The following AKAP6 variants were observed in gnomAD, a reference collection of about 807,000 sequenced individuals.
AKAP6 encodes the protein A-kinase anchor protein 6.
A neutral mutation model predicts 188.5 loss-of-function variants in AKAP6; 58 were observed. The ratio of observed to expected loss-of-function variants is 0.31; its 90% CI spans 0.25 to 0.38. AKAP6 has a LOEUF of 0.38. AKAP6 is among the 10% of genes least tolerant of loss of function. The pLI is 1.00. For synonymous variants in AKAP6, 989 were observed against 998.6 expected (o/e 0.99, Z 0.18); for missense variants, 2,710 against 2,740.0 (o/e 0.99, Z 0.24).
intron 7 of AKAP6, among the ~76,000 whole-genome samples, chr14:32,660,921 G>GCC (rs1249970425): frequency 1.3e-3 from 57 of 42,392 alleles, no homozygotes; most frequent in African/African-American, 2.1e-3. Context: ...TTTCTTCCCC[G>GCC]CCACCCCCCC....
At chr14:32,793,781 G>T (rs2033680870) in intron 12 of AKAP6, among the ~76,000 whole-genome samples, 1 of 150,628 alleles carries the variant, frequency 6.6e-6, no homozygotes, top group Non-Finnish European at 1.5e-5. Flanking sequence ...AATGGTAAAG[G>T]CTTCAATTCA....
At chr14:32,376,839 G>A (rs1888172140) in intron 1 of AKAP6, among the ~76,000 whole-genome samples, 1 of 152,124 alleles carries the variant, frequency 6.6e-6, no homozygotes, top group South Asian at 2.1e-4. Flanking sequence ...TGGGATTACA[G>A]GTGCCCACCA....
chr14:32,653,715 A>G (rs1173096677), intron 7 of AKAP6, among the ~76,000 whole-genome samples: 1 of 152,228 alleles, frequency 6.6e-6, no homozygotes, highest in East Asian at 1.9e-4. Flanking sequence ...AATAATAATT[A>G]TCTTGAAGAA....
intron 7 of AKAP6, among the ~76,000 whole-genome samples, chr14:32,662,907 A>G (rs1301797742): frequency 6.6e-6 from 1 of 152,006 alleles, no homozygotes; most frequent in African/African-American, 2.4e-5. Flanking sequence ...TTTCCTGTAG[A>G]CTTTCTCTTA....
intron 1 of AKAP6, among the ~76,000 whole-genome samples, chr14:32,403,583 G>C (rs1474892159): frequency 1.3e-5 from 2 of 152,202 alleles, no homozygotes; most frequent in African/African-American, 2.4e-5. Flanking sequence ...TACTAGCTGT[G>C]TGACCTTGGG....
At chr14:32,714,056 C>T (rs1219599458) in intron 9 of AKAP6, among the ~76,000 whole-genome samples, 2 of 151,838 alleles carry the variant, frequency 1.3e-5, no homozygotes, top group African/African-American at 4.8e-5. Context: ...ATTACTTGGC[C>T]GCATTTCAAT....
At chr14:32,464,953 A>T (rs1878317174) in intron 2 of AKAP6, among the ~76,000 whole-genome samples, 1 of 152,166 alleles carries the variant, frequency 6.6e-6, no homozygotes, top group Non-Finnish European at 1.5e-5. Flanking sequence ...TCAACAATAG[A>T]CAAACAGTCA....
At chr14:32,592,996 C>T (rs1056922639) in intron 5 of AKAP6, among the ~76,000 whole-genome samples, 1 of 138,566 alleles carries the variant, frequency 7.2e-6, no homozygotes, top group African/African-American at 2.7e-5. Context: ...ACACAGTGTC[C>T]CCTACCCCCA....
chr14:32,587,952 G>A (rs1302223403), intron 5 of AKAP6, among the ~76,000 whole-genome samples: 1 of 152,152 alleles, frequency 6.6e-6, no homozygotes, highest in African/African-American at 2.4e-5. Flanking sequence ...TGAGTATCAG[G>A]GGTACATGGT....
rs1566710091 is a variant in AKAP6, at chr14:32,786,297, T to TG, written c.3588+12404_3588+12405insG. On this transcript the variant is annotated intron_variant, in intron 12 of 13. Transcript: ENST00000280979. ...GCCCTCTGAAAGACCTAAACCTTTA[T>TG]CTTTTTTTTTTTTTTTTTTTTTTTT... 5.2e-4 allele frequency among the ~76,000 whole-genome samples: 43 copies of TG among 83,392 alleles called. 13 individuals are homozygous for TG. The highest frequency in any genetic ancestry group is 1.8e-3 in the South Asian group (4 of 2,266). 54.7% of individuals were successfully genotyped at this position (83,392 alleles called of 152,430 possible).
intron 9 of AKAP6, among the ~76,000 whole-genome samples, chr14:32,705,284 G>A (rs1314401805): frequency 3.9e-5 from 6 of 152,124 alleles, no homozygotes; most frequent in East Asian, 1.9e-4. Context: ...TGGGGAAGGC[G>A]CAGGAGAATG....
At chr14:32,713,679 G>A (rs1413785695) in intron 9 of AKAP6, among the ~76,000 whole-genome samples, 24 of 151,990 alleles carry the variant, frequency 1.6e-4, no homozygotes, top group Admixed American at 1.6e-3. Context: ...CATTTCTTCT[G>A]CAGCTTCCTC....
intron 11 of AKAP6, among the ~76,000 whole-genome samples, chr14:32,765,808 A>T (rs1266810498): frequency 6.6e-6 from 1 of 152,032 alleles, no homozygotes; most frequent in East Asian, 1.9e-4. Context: ...TAGTTATATC[A>T]TTAGCATCTG....
chr14:32,703,767 A>T (rs1890703740), intron 9 of AKAP6, among the ~76,000 whole-genome samples: 1 of 152,226 alleles, frequency 6.6e-6, no homozygotes. Flanking sequence ...TTATTCCAAT[A>T]AATGCTCCTA....
At chr14:32,710,885 TA>T (rs1330720799) in intron 9 of AKAP6, among the ~76,000 whole-genome samples, 1 of 152,108 alleles carries the variant, frequency 6.6e-6, no homozygotes, top group African/African-American at 2.4e-5. Flanking sequence ...CACTCATTTT[TA>T]AAAGAAAGTT....
intron 1 of AKAP6, chr14:32,373,619 G>A (rs1043560612): frequency 7.9e-5 from 12 of 152,314 alleles, no homozygotes; most frequent in African/African-American, 2.2e-4. Context: ...CAAGAAGGAG[G>A]TCTGCTTTGG....
At position 32,394,803 on chromosome 14, in the gene AKAP6, C is replaced by G. The variant is rs571406483; in HGVS notation, c.-34-38657C>G. 1.3e-4 allele frequency among the ~76,000 whole-genome samples: 20 copies of G among 152,212 alleles called. No individual in the cohort carries two copies. The South Asian group carries it at 3.5e-3, about 27-fold the overall frequency. Reference sequence around the variant, plus strand: ...TTAAGATGGAGAAGTAGTTCCTGACCTGTAGCTATGAGTTTAGTTTTATAT... The same window carrying G: ...TTAAGATGGAGAAGTAGTTCCTGACGTGTAGCTATGAGTTTAGTTTTATAT... On this transcript the variant is annotated intron_variant, in intron 1 of 13. Transcript: ENST00000280979.
At chr14:32,680,690 A>G (rs976447205) in intron 8 of AKAP6, among the ~76,000 whole-genome samples, 2 of 152,240 alleles carry the variant, frequency 1.3e-5, no homozygotes, top group Non-Finnish European at 1.5e-5. Context: ...ACTCCAGGGA[A>G]GACTGAGCTG....
At chr14:32,566,491 T>C (rs1884192381) in intron 4 of AKAP6, among the ~76,000 whole-genome samples, 1 of 152,202 alleles carries the variant, frequency 6.6e-6, no homozygotes. Flanking sequence ...ATACATCTCA[T>C]GCTTTATGTT....
Sources: allele counts gnomAD v4.1 joint callset (sites outside exome capture counted in the v4.1 genomes callset), GRCh38; gene constraint gnomAD v4.1.1; transcripts MANE v1.5; gene names NCBI Gene and HGNC (gene_info 2026-07-23, HGNC 2026-07-21).